The following ERGIC1 variants were observed in gnomAD, a reference collection of about 807,000 sequenced individuals.
ERGIC1 encodes endoplasmic reticulum-golgi intermediate compartment 1, also known as endoplasmic reticulum-Golgi intermediate compartment protein 1.
ERGIC1 carries 19 observed loss-of-function variants against 38.3 expected under a neutral mutation model. The observed-to-expected ratio is 0.50, with a 90% CI of 0.35 to 0.73. The LOEUF (loss-of-function observed/expected upper bound fraction) is 0.73. ERGIC1 is among the 30% of genes least tolerant of loss of function. The pLI is 0.01. For missense variants in ERGIC1, 294 were observed against 389.2 expected, an observed-to-expected ratio of 0.76 and a Z score of 2.06; for synonymous variants, 124 against 157.6, an observed-to-expected ratio of 0.79 and a Z score of 1.60.
chr5:172,868,514 G>A (rs1015376676), intron 1 of ERGIC1, among the ~76,000 whole-genome samples: 3 of 152,244 alleles, frequency 2.0e-5, no homozygotes, highest in African/African-American at 7.2e-5. Flanking sequence ...AAACTATGGA[G>A]ACGGTAAAAG....
chr5:172,854,591 C>T (rs1253137292), intron 1 of ERGIC1, among the ~76,000 whole-genome samples: 1 of 152,254 alleles, frequency 6.6e-6, no homozygotes, highest in Non-Finnish European at 1.5e-5. Flanking sequence ...TCCGCATGGT[C>T]CCGGTGTGGG....
At chr5:172,874,643 C>T (rs553802582) in intron 1 of ERGIC1, among the ~76,000 whole-genome samples, 61 of 152,066 alleles carry the variant, frequency 4.0e-4, no homozygotes, top group African/African-American at 1.4e-3. Context: ...AAGAAGAGGG[C>T]AGAGGCTGGG....
chr5:172,922,979 G>A (rs1763561134), intron 5 of ERGIC1, among the ~76,000 whole-genome samples: 2 of 152,170 alleles, frequency 1.3e-5, no homozygotes, highest in East Asian at 1.9e-4. Flanking sequence ...GTGTTTGGAA[G>A]GTGGAGCTAA....
At chr5:172,943,785 GGGAGAGTAATGGGGA>G (rs1159112124) in intron 9 of ERGIC1, among the ~76,000 whole-genome samples, 1 of 152,216 alleles carries the variant, frequency 6.6e-6, no homozygotes, top group Non-Finnish European at 1.5e-5. Context: ...TGCACGCTAT[GGGAGAGTAATGGGGA>G]GGGGAGTAAT....
chr5:172,874,381 G>A (rs1204298674), intron 1 of ERGIC1, among the ~76,000 whole-genome samples: 1 of 152,074 alleles, frequency 6.6e-6, no homozygotes, highest in Non-Finnish European at 1.5e-5. Context: ...ATGCCTGGCT[G>A]GAATCTAAGT....
intron 8 of ERGIC1, 178 bp from the exon 9 acceptor site, chr5:172,935,010 C>A: frequency 1.2e-6 from 1 of 869,282 alleles, no homozygotes; most frequent in Non-Finnish European, 1.8e-6. Context: ...CTGTGCACGG[C>A]AGAGTTCAGG....
chr5:172,903,056 G>A (rs1380765306), intron 3 of ERGIC1, among the ~76,000 whole-genome samples: 1 of 140,824 alleles, frequency 7.1e-6, no homozygotes, highest in Non-Finnish European at 1.5e-5. Context: ...CCACGCACTC[G>A]CCTGACTCCC....
intron 4 of ERGIC1, among the ~76,000 whole-genome samples, chr5:172,913,613 C>T (rs188918563): frequency 7.7e-4 from 118 of 152,284 alleles, no homozygotes; most frequent in African/African-American, 2.5e-3. Context: ...TCCAGCTGTT[C>T]TTCCTCTGTA....
At chr5:172,935,346 C>G (rs1459027558) in intron 9 of ERGIC1, 36 bp downstream of exon 9, 1 of 1,613,050 alleles carries the variant, frequency 6.2e-7, no homozygotes, top group Non-Finnish European at 8.5e-7. Context: ...GGCCCTGAGC[C>G]AGCCACCCTG....
intron 1 of ERGIC1, among the ~76,000 whole-genome samples, chr5:172,877,450 A>C (rs1391613310): frequency 8.0e-6 from 1 of 124,238 alleles, no homozygotes; most frequent in South Asian, 2.6e-4. Context: ...GTATATATAT[A>C]TATATATATT....
intron 1 of ERGIC1, among the ~76,000 whole-genome samples, chr5:172,885,839 G>A (rs995733838): frequency 5.9e-5 from 9 of 152,098 alleles, no homozygotes; most frequent in Admixed American, 1.3e-4. Context: ...AATGGTCACC[G>A]CCTAGGCCCC....
At chr5:172,932,572 C>T (rs1561741990) in intron 8 of ERGIC1, 36 bp downstream of exon 8, 2 of 1,598,694 alleles carry the variant, frequency 1.3e-6, no homozygotes, top group African/African-American at 1.3e-5. Flanking sequence ...CTGTGTGCGG[C>T]GGCGCCCTCT....
intron 3 of ERGIC1, among the ~76,000 whole-genome samples, chr5:172,909,266 T>C (rs1763146223): frequency 6.8e-6 from 1 of 146,298 alleles, no homozygotes; most frequent in South Asian, 2.2e-4. Flanking sequence ...GCCTCCTGGG[T>C]TCGTGATTTT....
intron 4 of ERGIC1, among the ~76,000 whole-genome samples, chr5:172,911,196 C>G (rs1343270075): frequency 2.0e-5 from 3 of 152,184 alleles, no homozygotes. Flanking sequence ...GAGTCTCAGC[C>G]CTGTCATTGC....
At chr5:172,911,002 A>G (rs1763194382) in intron 4 of ERGIC1, among the ~76,000 whole-genome samples, 1 of 152,122 alleles carries the variant, frequency 6.6e-6, no homozygotes, top group African/African-American at 2.4e-5. Context: ...GGGAGAATCT[A>G]ATGCCATGGT....
At chr5:172,939,801 T>C (rs1231741565) in intron 9 of ERGIC1, among the ~76,000 whole-genome samples, 1 of 152,098 alleles carries the variant, frequency 6.6e-6, no homozygotes, top group East Asian at 1.9e-4. Context: ...ATGGCGTCAT[T>C]GTGGAGCTTC....
In ERGIC1 at chr5:172,888,867, G is replaced by T; in HGVS notation, c.82+107G>T. On this transcript the variant is annotated intron_variant, in intron 2 of 9. Coordinates refer to ENST00000393784, the MANE Select transcript of ERGIC1 (RefSeq NM_001031711.3). ...AGGGAGGAAAGAAGGAAAGACAGGA[G>T]GGAGGAAAGAAATGCTGAGCATCTT... The T allele has an allele frequency of 4.6e-6, 5 of 1,094,750 alleles. No homozygotes were observed. In the East Asian group the frequency reaches 7.2e-5, roughly 16 times the overall value. The allele number at this position is 1,094,750 out of a possible 1,614,324, so 67.8% of individuals were successfully genotyped here. A position where few individuals can be genotyped will look rare whatever the true frequency, so the allele number is the denominator to read the frequency against.
At chr5:172,941,323 C>T (rs1003801871) in intron 9 of ERGIC1, among the ~76,000 whole-genome samples, 8 of 152,268 alleles carry the variant, frequency 5.3e-5, no homozygotes, top group Admixed American at 1.3e-4. Context: ...ATATAGCTAC[C>T]CTTATTAAGC....
intron 5 of ERGIC1, among the ~76,000 whole-genome samples, chr5:172,921,796 T>C (rs1763527059): frequency 6.6e-6 from 1 of 152,208 alleles, no homozygotes; most frequent in Non-Finnish European, 1.5e-5. Flanking sequence ...TGCTGGGAAG[T>C]TTCTGTCCTC....
Sources: allele counts gnomAD v4.1 joint callset (sites outside exome capture counted in the v4.1 genomes callset), GRCh38; gene constraint gnomAD v4.1.1; transcripts MANE v1.5; gene names NCBI Gene and HGNC (gene_info 2026-07-23, HGNC 2026-07-21).